The following EXOC6B variants were observed in gnomAD, a reference collection of about 807,000 sequenced individuals.
EXOC6B encodes the protein SEC15 homolog B.
A neutral mutation model predicts 113.5 loss-of-function variants in EXOC6B; 54 were observed. The ratio of observed to expected loss-of-function variants is 0.48; its 90% confidence interval spans 0.38 to 0.60. EXOC6B has a LOEUF of 0.60. Among genes scored for constraint, EXOC6B ranks in the 20% least tolerant of loss-of-function variants. EXOC6B has a pLI of 0.00. For missense variants in EXOC6B, 797 were observed against 977.5 expected (o/e 0.82, Z 2.46); for synonymous variants, 357 against 339.0 (o/e 1.05, Z -0.58).
chr2:72,421,482 G>C lies in EXOC6B; in HGVS notation c.1981-41612C>G, dbSNP rs571215616. Among the ~76,000 whole-genome samples the C allele has an allele frequency of 8.0e-4, 122 of 152,198 alleles. 1 individual carries two copies. Among genetic ancestry groups the C allele is most frequent in the African/African-American group, 9.9e-4 (41 of 41,520 alleles). ...TTAATAAATTCCAAAGCAAATTTCA[G>C]AAGAATTTTTATTGGGCTGCATTGT... On this transcript the variant is annotated intron_variant, in intron 18 of 21. Coordinates refer to ENST00000272427, the MANE Select transcript of EXOC6B (RefSeq NM_015189.3).
At chr2:72,465,401 G>A in intron 17 of EXOC6B, 62 bp from the exon 18 acceptor site, 1 of 1,293,234 alleles carries the variant, frequency 7.7e-7, no homozygotes, top group Non-Finnish European at 1.1e-6. Flanking sequence ...AAATTTCTAT[G>A]AGCTTAGAGC....
intron 1 of EXOC6B, among the ~76,000 whole-genome samples, chr2:72,758,567 T>A (rs1682577888): frequency 6.6e-6 from 1 of 152,208 alleles, no homozygotes; most frequent in African/African-American, 2.4e-5. Context: ...TTTGTGTGTT[T>A]TTTCTAGAAG....
At chr2:72,667,785 G>T (rs1219249256) in intron 6 of EXOC6B, among the ~76,000 whole-genome samples, 1 of 152,126 alleles carries the variant, frequency 6.6e-6, no homozygotes, top group African/African-American at 2.4e-5. Flanking sequence ...AGAAATTCTA[G>T]GAAATACCTT....
intron 1 of EXOC6B, among the ~76,000 whole-genome samples, chr2:72,742,653 C>T (rs1315983897): frequency 6.6e-6 from 1 of 152,104 alleles, no homozygotes; most frequent in Admixed American, 6.5e-5. Context: ...TCAATGATAC[C>T]ATACTAACAT....
chr2:72,212,286 C>G (rs1055212287), intron 20 of EXOC6B, among the ~76,000 whole-genome samples: 8 of 152,244 alleles, frequency 5.3e-5, no homozygotes, highest in African/African-American at 1.9e-4. Context: ...TTAATTCACT[C>G]CACAATTCTA....
chr2:72,673,265 A>G (rs1380201484), intron 6 of EXOC6B, among the ~76,000 whole-genome samples: 1 of 152,202 alleles, frequency 6.6e-6, no homozygotes, highest in Admixed American at 6.5e-5. Context: ...AAAATATACT[A>G]ATGCCCAGGT....
intron 6 of EXOC6B, among the ~76,000 whole-genome samples, chr2:72,617,973 A>G (rs1039980396): frequency 6.6e-6 from 1 of 152,136 alleles, no homozygotes; most frequent in Non-Finnish European, 1.5e-5. Context: ...GTTGTTCAGT[A>G]AGACATCTTA....
intron 6 of EXOC6B, among the ~76,000 whole-genome samples, chr2:72,709,061 A>G (rs552331419): frequency 2.0e-5 from 3 of 151,940 alleles, no homozygotes; most frequent in Non-Finnish European, 4.4e-5. Flanking sequence ...AAATTTAAAA[A>G]AAAAAACTAC....
intron 6 of EXOC6B, among the ~76,000 whole-genome samples, chr2:72,613,207 A>G (rs1671182995): frequency 2.0e-5 from 3 of 152,196 alleles, no homozygotes; most frequent in Admixed American, 2.0e-4. Context: ...GAGTGAAAAA[A>G]GTAATAAAAC....
At chr2:72,716,327 A>G (rs1679614168) in intron 6 of EXOC6B, among the ~76,000 whole-genome samples, 4 of 152,196 alleles carry the variant, frequency 2.6e-5, no homozygotes, top group Admixed American at 2.6e-4. Context: ...GCAGTGAGAA[A>G]TAAACCACTT....
At chr2:72,603,283 T>A (rs1474987558) in intron 6 of EXOC6B, among the ~76,000 whole-genome samples, 1 of 151,948 alleles carries the variant, frequency 6.6e-6, no homozygotes, top group African/African-American at 2.4e-5. Flanking sequence ...TGGAATAGAA[T>A]AATGTCACTT....
chr2:72,476,327 T>G (rs186437957), intron 17 of EXOC6B, among the ~76,000 whole-genome samples: 2 of 152,340 alleles, frequency 1.3e-5, no homozygotes, highest in East Asian at 3.9e-4. Context: ...TTTAGGCATT[T>G]ACTGTCACTT....
At chr2:72,580,238 T>C (rs952801122) in intron 6 of EXOC6B, among the ~76,000 whole-genome samples, 8 of 145,968 alleles carry the variant, frequency 5.5e-5, no homozygotes, top group Admixed American at 2.8e-4. Context: ...GCCTCCTGGG[T>C]TCAAGCGATT....
intron 6 of EXOC6B, among the ~76,000 whole-genome samples, chr2:72,579,713 G>A (rs1469243742): frequency 6.6e-6 from 1 of 152,146 alleles, no homozygotes; most frequent in East Asian, 1.9e-4. Flanking sequence ...GACTCAGAGA[G>A]TTAAAAATAA....
intron 18 of EXOC6B, among the ~76,000 whole-genome samples, chr2:72,450,237 GA>G (rs1321658974): frequency 3.3e-5 from 5 of 150,962 alleles, no homozygotes; most frequent in Admixed American, 6.6e-5. Context: ...TAAAGAAATA[GA>G]AAAAAAAATA....
intron 6 of EXOC6B, among the ~76,000 whole-genome samples, chr2:72,641,210 G>A (rs1000285950): frequency 6.6e-6 from 1 of 152,224 alleles, no homozygotes; most frequent in African/African-American, 2.4e-5. Context: ...AATTGGGACT[G>A]GTTGGACAGT....
intron 6 of EXOC6B, among the ~76,000 whole-genome samples, chr2:72,702,996 C>A (rs1411904357): frequency 6.6e-6 from 1 of 151,188 alleles, no homozygotes; most frequent in Non-Finnish European, 1.5e-5. Context: ...AAGTCCTTGC[C>A]CATGCCTATG....
At chr2:72,317,284 G>T (rs1473953028) in intron 20 of EXOC6B, among the ~76,000 whole-genome samples, 1 of 151,832 alleles carries the variant, frequency 6.6e-6, no homozygotes, top group African/African-American at 2.4e-5. Flanking sequence ...AAATAACCAT[G>T]AACATATTCA....
At position 72,708,665 on chromosome 2, in the gene EXOC6B, A is replaced by G. The variant is rs576261695; in HGVS notation, c.669+9438T>C. 2.0e-5 allele frequency among the ~76,000 whole-genome samples: 3 copies of G among 152,322 alleles called. No individual in the cohort carries two copies. The East Asian group carries it at 5.8e-4, about 29-fold the overall frequency. On this transcript the variant is annotated intron_variant, in intron 6 of 21. Transcript: ENST00000272427. ...GCATCCTGTTTGCAGTAGTGGTTAT[A>G]TGAGTCTATACATGTTTTAAAATTC...
Sources: gnomAD v4.1 joint callset for allele counts (sites outside exome capture counted in the v4.1 genomes callset) on GRCh38, gnomAD v4.1.1 for gene constraint, MANE v1.5 for transcripts, NCBI Gene and HGNC (gene_info 2026-07-23, HGNC 2026-07-21) for gene names.